The following C4BPA variants were observed in gnomAD, a reference collection of about 807,000 sequenced individuals.
C4BPA encodes C4b-binding protein alpha chain.
C4BPA carries 31 observed loss-of-function variants against 63.7 expected under a neutral mutation model. That is an observed-to-expected ratio of 0.49 (90% CI 0.37 to 0.66). C4BPA has a LOEUF of 0.66. Ranked by LOEUF, C4BPA falls within the 30% of genes least tolerant of loss-of-function variation. The pLI, the probability that C4BPA is intolerant of heterozygous loss-of-function variation, is 0.00. For synonymous variants in C4BPA, 259 were observed against 254.7 expected (o/e 1.02, Z -0.16); for missense variants, 572 against 723.3 (o/e 0.79, Z 2.40).
chr1:207,107,171 A>G (rs1009614594), intron 1 of C4BPA, among the ~76,000 whole-genome samples: 3 of 152,212 alleles, frequency 2.0e-5, no homozygotes, highest in Non-Finnish European at 4.4e-5. Context: ...TAGTGAGTAA[A>G]GGAATAGTGA....
chr1:207,112,746 G>A (rs1684695469), intron 1 of C4BPA, among the ~76,000 whole-genome samples: 3 of 152,052 alleles, frequency 2.0e-5, no homozygotes, highest in African/African-American at 7.2e-5. Flanking sequence ...AGTATACCTA[G>A]TGCAGATGCA....
intron 1 of C4BPA, among the ~76,000 whole-genome samples, chr1:207,108,022 G>C (rs1485159499): frequency 6.6e-6 from 1 of 152,188 alleles, no homozygotes. Flanking sequence ...AGTGTTGGAG[G>C]AACATAGTGA....
At chr1:207,112,879 T>G in intron 1 of C4BPA, 122 bp from the exon 2 acceptor site, 2 of 885,658 alleles carry the variant, frequency 2.3e-6, no homozygotes, top group South Asian at 2.1e-5. Context: ...AGGGGTTTTT[T>G]TGTTTTGTTT....
chr1:207,116,504 GTGTGTGTGTATA>G (rs61477438), intron 4 of C4BPA, among the ~76,000 whole-genome samples: 6,834 of 56,350 alleles, frequency 0.12, 191 homozygotes, highest in South Asian at 0.21. Flanking sequence ...CAGTGTGTGT[GTGTGTGTGTATA>G]TGTGTGTGTG....
rs981577801 is a variant in C4BPA at position 207,134,528 on chromosome 1, T to G, written c.1209T>G (p.Ser403Arg). Residue 403 changes from serine (S) to arginine (R), a missense_variant, in exon 9 of 12, where the codon AGT becomes AGG. This residue lies in a region of C4BPA where 465 missense variants were observed against 629.4 expected (regional missense o/e 0.74). Coordinates refer to ENST00000367070, the MANE Select transcript of C4BPA (RefSeq NM_000715.4). ...TTTCATTTTCATGTCATGAGACCAG[T>G]AGGTTTTCAGCTATATGCCAAGGAG... Reference protein sequence around the residue: ...DEISFSCHETSRFSAICQGDG... With the variant: ...DEISFSCHETRRFSAICQGDG... 39 of 1,613,792 alleles carry G rather than the reference T, an allele frequency of 2.4e-5. No homozygotes were observed. Among genetic ancestry groups the G allele is most frequent in the Non-Finnish European group, 3.3e-5 (39 of 1,179,796 alleles).
At chr1:207,114,521 T>A (rs1231947842) in intron 3 of C4BPA, among the ~76,000 whole-genome samples, 1 of 122,112 alleles carries the variant, frequency 8.2e-6, no homozygotes, top group Non-Finnish European at 1.6e-5. Flanking sequence ...TGAGACAGAG[T>A]CTAGCTCTGT....
chr1:207,108,685 A>G (rs1424986487), intron 1 of C4BPA, among the ~76,000 whole-genome samples: 3 of 152,220 alleles, frequency 2.0e-5, no homozygotes, highest in Admixed American at 6.5e-5. Context: ...TGCATGAACC[A>G]GAGACAATTA....
chr1:207,129,412 C>A (rs201816560), intron 7 of C4BPA, among the ~76,000 whole-genome samples: 68 of 137,036 alleles, frequency 5.0e-4, no homozygotes, highest in Middle Eastern at 3.7e-3. Flanking sequence ...CAAATTTGAC[C>A]AAAAAAAAAA....
At chr1:207,129,621 A>G (rs939816392) in intron 7 of C4BPA, among the ~76,000 whole-genome samples, 10 of 152,160 alleles carry the variant, frequency 6.6e-5, no homozygotes, top group Admixed American at 5.2e-4. Context: ...AGTAAGATTA[A>G]CATCTGATTC....
chr1:207,113,251 G>T, intron 2 of C4BPA, 84 bp downstream of exon 2: 2 of 1,445,330 alleles, frequency 1.4e-6, no homozygotes, highest in South Asian at 1.3e-5. Context: ...AAAAAATGAT[G>T]ACTGAGCTTC....
At chr1:207,140,496 TCTG>T (rs1187957326) in intron 9 of C4BPA, among the ~76,000 whole-genome samples, 1 of 150,774 alleles carries the variant, frequency 6.6e-6, no homozygotes, top group Admixed American at 6.6e-5. Flanking sequence ...TTCCTGCTGC[TCTG>T]CTTTTTTTTT....
chr1:207,126,011 C>T (rs914318430), intron 6 of C4BPA, among the ~76,000 whole-genome samples: 1 of 151,978 alleles, frequency 6.6e-6, no homozygotes, highest in Non-Finnish European at 1.5e-5. Context: ...GCTGCCTCTG[C>T]ACTATGTAAT....
chr1:207,116,565 GT>G (rs1330726402), intron 4 of C4BPA, among the ~76,000 whole-genome samples: 3 of 136,702 alleles, frequency 2.2e-5, no homozygotes, highest in Non-Finnish European at 3.2e-5. Flanking sequence ...TGTGTATAAT[GT>G]TTTTGACTTG....
intron 4 of C4BPA, among the ~76,000 whole-genome samples, chr1:207,121,460 G>T (rs1029804580): frequency 2.2e-5 from 3 of 135,910 alleles, no homozygotes; most frequent in African/African-American, 7.8e-5. Context: ...TTTTGAATTT[G>T]CTTGGTATAA....
chr1:207,131,854 T>A (rs1685167739), intron 8 of C4BPA, 114 bp downstream of exon 8: 2 of 712,698 alleles, frequency 2.8e-6, no homozygotes, highest in Non-Finnish European at 4.6e-6. Flanking sequence ...ATTAAGTTAA[T>A]TCAACAGATT....
chr1:207,113,098 C>G lies in C4BPA; in HGVS notation c.73C>G (p.Leu25Val), dbSNP rs754685092. ...AATGGCAGCCTGGCCCTTCTCCAGG[C>G]TGTGGAAAGTCTCTGATCCAATTCT... ...RKMAAWPFSR[L>V]WKVSDPILFQ... Residue 25 changes from leucine to valine, a missense_variant, in exon 2 of 12, where the codon CTG (leucine) becomes GTG (valine). Physicochemically the swap from Leu to Val is conservative, Grantham distance 32 (BLOSUM62 1). Transcript: ENST00000367070. 6.8e-6 allele frequency: 11 copies of G among 1,610,826 alleles called. No individual in the cohort carries two copies. In the South Asian group the frequency reaches 1.1e-4, roughly 16 times the overall value.
chr1:207,131,573 C>A lies in C4BPA; in HGVS notation c.917C>A (p.Pro306Gln), dbSNP rs1278472409. ...PNSCINLPDI[P>Q]HASWETYPRP... ...AGTTGTATTAATTTACCAGACATTC[C>A]ACATGCTTCCTGGGAAACATATCCT... The change falls in exon 8 of 12, where the codon CCA (proline) becomes CAA (glutamine). Residue 306 changes from proline to glutamine, a missense_variant. This residue lies in a region of C4BPA where 465 missense variants were observed against 629.4 expected (regional missense o/e 0.74). Coordinates refer to ENST00000367070, the MANE Select transcript of C4BPA (RefSeq NM_000715.4). The A allele has an allele frequency of 6.2e-7, 1 of 1,611,514 alleles. No individual in the cohort carries two copies. Among genetic ancestry groups the A allele is most frequent in the Admixed American group, 1.7e-5 (1 of 59,884 alleles).
intron 1 of C4BPA, among the ~76,000 whole-genome samples, chr1:207,104,746 T>C (rs766027210): frequency 1.3e-4 from 20 of 152,336 alleles, no homozygotes; most frequent in Non-Finnish European, 1.8e-4. Context: ...TTGTTGATCT[T>C]TCACCACCTT....
intron 10 of C4BPA, among the ~76,000 whole-genome samples, chr1:207,142,347 C>A (rs553143446): frequency 2.2e-4 from 34 of 152,288 alleles, no homozygotes; most frequent in African/African-American, 7.7e-4. Flanking sequence ...GGTTCCAAGT[C>A]TTTGCTATTG....
Sources: gnomAD v4.1 joint callset for allele counts (sites outside exome capture counted in the v4.1 genomes callset) on GRCh38, gnomAD v4.1.1 for gene constraint, gnomAD v4.1.1 regional missense constraint, MANE v1.5 for transcripts, NCBI Gene and HGNC (gene_info 2026-07-23, HGNC 2026-07-21) for gene names.